ZNF804B: variants seen among roughly 807,000 people sequenced by gnomAD.
The protein encoded by ZNF804B is zinc finger protein 804B.
A neutral mutation model predicts 101.4 loss-of-function variants in ZNF804B; 80 were observed. The ratio of observed to expected loss-of-function variants is 0.79; its 90% CI spans 0.66 to 0.95. The LOEUF (loss-of-function observed/expected upper bound fraction) is 0.95, where lower values mean the gene tolerates loss of function less well. Ranked by LOEUF, ZNF804B falls within the 40% of genes least tolerant of loss-of-function variation. The pLI, the probability that ZNF804B is intolerant of heterozygous loss-of-function variation, is 0.00. For synonymous variants in ZNF804B, 622 were observed against 558.8 expected (o/e 1.11, Z -1.59); for missense variants, 1,673 against 1,561.9 (o/e 1.07, Z -1.20).
chr7:89,241,007 A>G (rs889188213), intron 2 of ZNF804B, among the ~76,000 whole-genome samples: 2 of 152,010 alleles, frequency 1.3e-5, no homozygotes, highest in Admixed American at 6.6e-5. Flanking sequence ...CCGTGTCTGT[A>G]TTACTCAAGC....
intron 1 of ZNF804B, among the ~76,000 whole-genome samples, chr7:89,120,707 G>A (rs1024356770): frequency 1.3e-5 from 2 of 150,738 alleles, no homozygotes; most frequent in Non-Finnish European, 1.5e-5. Flanking sequence ...TTAGTCGTCA[G>A]CACCTTATGT....
chr7:88,846,453 T>C (rs1235322117), intron 1 of ZNF804B, among the ~76,000 whole-genome samples: 1 of 152,236 alleles, frequency 6.6e-6, no homozygotes, highest in Non-Finnish European at 1.5e-5. Flanking sequence ...ACAAATGTTA[T>C]ATGTTATCTC....
intron 1 of ZNF804B, among the ~76,000 whole-genome samples, chr7:89,157,432 T>A (rs1790994536): frequency 1.3e-5 from 2 of 152,162 alleles, no homozygotes; most frequent in African/African-American, 4.8e-5. Context: ...CTAGGACACA[T>A]CTTTGGTGAA....
At position 88,854,534 on chromosome 7, in the gene ZNF804B, CCTT is replaced by C. The variant is rs1386455303; in HGVS notation, c.108+94452_108+94454del. 2.1e-3 allele frequency among the ~76,000 whole-genome samples: 122 copies of C among 57,972 alleles called. 1 individual carries two copies. Among genetic ancestry groups the C allele is most frequent in the East Asian group, 3.8e-3 (4 of 1,048 alleles). The allele number at this position is 57,972 out of a possible 152,430, so 38.0% of individuals were successfully genotyped here. On this transcript the variant is annotated intron_variant, in intron 1 of 3. Coordinates refer to ENST00000333190, the MANE Select transcript of ZNF804B (RefSeq NM_181646.5). ...TTCCTTTCCTTTCCTTCCTTTCCTT[CCTT>C]CCTTCCTTCCTTCCTTCCTTCCTTC...
At chr7:88,827,255 C>A (rs544452191) in intron 1 of ZNF804B, among the ~76,000 whole-genome samples, 1 of 151,656 alleles carries the variant, frequency 6.6e-6, no homozygotes, top group Non-Finnish European at 1.5e-5. Context: ...AACTCATTAA[C>A]TAGGGAACTT....
intron 1 of ZNF804B, among the ~76,000 whole-genome samples, chr7:89,143,598 C>A (rs1790747482): frequency 1.3e-5 from 2 of 151,812 alleles, no homozygotes. Flanking sequence ...GCATTTTCCC[C>A]AAAAACTTTT....
chr7:88,840,667 T>C (rs1310037214), intron 1 of ZNF804B, among the ~76,000 whole-genome samples: 1 of 152,036 alleles, frequency 6.6e-6, no homozygotes, highest in East Asian at 1.9e-4. Flanking sequence ...AGTTTTGAAC[T>C]GAGATGAGAT....
intron 2 of ZNF804B, among the ~76,000 whole-genome samples, chr7:89,268,824 A>C (rs1789838724): frequency 6.6e-6 from 1 of 152,064 alleles, no homozygotes; most frequent in Non-Finnish European, 1.5e-5. Context: ...AGCTTTCCTC[A>C]TACATATAAA....
At chr7:88,849,165 T>G (rs1315964797) in intron 1 of ZNF804B, among the ~76,000 whole-genome samples, 1 of 152,134 alleles carries the variant, frequency 6.6e-6, no homozygotes, top group East Asian at 1.9e-4. Flanking sequence ...TCCTTTAGCC[T>G]TTTCTCATCA....
intron 2 of ZNF804B, among the ~76,000 whole-genome samples, chr7:89,316,933 G>C (rs1253754325): frequency 6.6e-6 from 1 of 152,184 alleles, no homozygotes; most frequent in Non-Finnish European, 1.5e-5. Context: ...GATTCTGCAT[G>C]AGTTTAAAGG....
rs1206918081 is a variant in ZNF804B at position 89,337,080 on chromosome 7, C to G, written c.*48C>G. 1 of 1,510,828 alleles carries G rather than the reference C, an allele frequency of 6.6e-7. No homozygotes were observed. The highest frequency in any genetic ancestry group is 1.3e-5 in the South Asian group (1 of 77,860). 93.6% of individuals were successfully genotyped at this position (1,510,828 alleles called of 1,614,324 possible). On this transcript the variant is annotated 3_prime_UTR_variant, in exon 4 of 4. Coordinates refer to ENST00000333190, the MANE Select transcript of ZNF804B (RefSeq NM_181646.5). ...GGATAATTTTTTTAATTGTCACTAC[C>G]TATAAAATCATACATTTAAAGAAGT...
chr7:89,288,119 A>T (rs1226360404), intron 2 of ZNF804B, among the ~76,000 whole-genome samples: 1 of 152,132 alleles, frequency 6.6e-6, no homozygotes, highest in Non-Finnish European at 1.5e-5. Flanking sequence ...GAGTTGAAAA[A>T]AGAAAAATAT....
At chr7:89,276,313 C>A (rs549575777) in intron 2 of ZNF804B, among the ~76,000 whole-genome samples, 1 of 151,762 alleles carries the variant, frequency 6.6e-6, no homozygotes, top group Admixed American at 6.6e-5. Context: ...GCACATGTAC[C>A]CTGGAACTTA....
Position 89,081,547 on chromosome 7 carries a change from A to T in ZNF804B, c.109-136608A>T, listed in dbSNP as rs555939818. Reference sequence around the variant, plus strand: ...CACAATACATGGCACATATAACTCAATCACTTATGGAAGAAAGTGAGGAAG... The same window carrying T: ...CACAATACATGGCACATATAACTCATTCACTTATGGAAGAAAGTGAGGAAG... On this transcript the variant is annotated intron_variant, in intron 1 of 3. Transcript: ENST00000333190. 2.0e-5 allele frequency among the ~76,000 whole-genome samples: 3 copies of T among 151,868 alleles called. No homozygotes were observed. The East Asian group carries it at 5.8e-4, about 29-fold the overall frequency.
intron 1 of ZNF804B, among the ~76,000 whole-genome samples, chr7:88,840,004 C>T (rs1439328597): frequency 1.3e-5 from 2 of 152,138 alleles, no homozygotes; most frequent in Non-Finnish European, 2.9e-5. Flanking sequence ...CTCCAGGTTT[C>T]TGAAAGCTCT....
At chr7:89,040,740 T>C (rs1024252954) in intron 1 of ZNF804B, among the ~76,000 whole-genome samples, 1 of 152,194 alleles carries the variant, frequency 6.6e-6, no homozygotes, top group Non-Finnish European at 1.5e-5. Context: ...ACACCTCTTC[T>C]AGTCTTTGTA....
intron 1 of ZNF804B, among the ~76,000 whole-genome samples, chr7:89,044,754 CA>C (rs1025763007): frequency 2.6e-5 from 4 of 152,022 alleles, no homozygotes; most frequent in African/African-American, 9.7e-5. Context: ...GGGTATCTGG[CA>C]GAAGAAATTT....
intron 1 of ZNF804B, among the ~76,000 whole-genome samples, chr7:88,988,635 T>C (rs1447467623): frequency 1.3e-5 from 2 of 152,108 alleles, no homozygotes; most frequent in Non-Finnish European, 2.9e-5. Flanking sequence ...CCACTTCCAG[T>C]ACTCTTGAAA....
At chr7:89,165,970 T>G (rs890317401) in intron 1 of ZNF804B, among the ~76,000 whole-genome samples, 1 of 152,182 alleles carries the variant, frequency 6.6e-6, no homozygotes, top group East Asian at 1.9e-4. Flanking sequence ...ATTTATACCT[T>G]GAAAATGACA....
Sources: gnomAD v4.1 joint callset for allele counts (sites outside exome capture counted in the v4.1 genomes callset) on GRCh38, gnomAD v4.1.1 for gene constraint, MANE v1.5 for transcripts, NCBI Gene and HGNC (gene_info 2026-07-23, HGNC 2026-07-21) for gene names.